Variants in MAPK8 observed in about 807,000 individuals in gnomAD.
MAPK8 encodes mitogen-activated protein kinase 8.
A neutral mutation model predicts 52.9 loss-of-function variants in MAPK8; 13 were observed. The observed-to-expected ratio is 0.25, with a 90% CI of 0.16 to 0.39. MAPK8 has a LOEUF of 0.39. Ranked by LOEUF, MAPK8 falls within the 10% of genes least tolerant of loss-of-function variation. MAPK8 has a pLI of 1.00. For missense variants in MAPK8, 300 were observed against 519.2 expected (o/e 0.58, Z 4.10); for synonymous variants, 191 against 169.8 (o/e 1.12, Z -0.97).
intron 6 of MAPK8, among the ~76,000 whole-genome samples, chr10:48,423,257 C>A (rs1260688966): frequency 1.3e-5 from 2 of 152,150 alleles, no homozygotes; most frequent in Non-Finnish European, 2.9e-5. Flanking sequence ...TGGCAAGGGT[C>A]ATCAGTAAGT....
chr10:48,434,109 C>T (rs1451089835), intron 11 of MAPK8, among the ~76,000 whole-genome samples: 2 of 152,144 alleles, frequency 1.3e-5, no homozygotes, highest in Non-Finnish European at 2.9e-5. Context: ...CTCAGGTATT[C>T]CTGTTAACTT....
intron 1 of MAPK8, among the ~76,000 whole-genome samples, chr10:48,393,541 G>A (rs2041736949): frequency 6.6e-6 from 1 of 152,026 alleles, no homozygotes. Flanking sequence ...CCACGGACTA[G>A]ATTTACCCTC....
intron 1 of MAPK8, among the ~76,000 whole-genome samples, chr10:48,317,322 G>A (rs1335613891): frequency 1.3e-5 from 2 of 151,970 alleles, no homozygotes; most frequent in Admixed American, 1.3e-4. Flanking sequence ...GCTGGGACTC[G>A]GCTGGCGAAT....
intron 3 of MAPK8, among the ~76,000 whole-genome samples, chr10:48,407,732 G>T (rs1391606646): frequency 6.6e-6 from 1 of 152,056 alleles, no homozygotes; most frequent in African/African-American, 2.4e-5. Flanking sequence ...TATCACCTCA[G>T]GATAAAAGAA....
intron 1 of MAPK8, among the ~76,000 whole-genome samples, chr10:48,400,648 T>A (rs1420114550): frequency 2.0e-5 from 3 of 152,208 alleles, no homozygotes; most frequent in African/African-American, 7.2e-5. Context: ...ATTCTTTGTA[T>A]TGTAAGTCAT....
intron 1 of MAPK8, among the ~76,000 whole-genome samples, chr10:48,323,672 A>T (rs553282635): frequency 1.3e-5 from 2 of 152,316 alleles, no homozygotes; most frequent in African/African-American, 4.8e-5. Flanking sequence ...AAAATTACAA[A>T]GTTTTCCATA....
chr10:48,321,519 A>G lies in MAPK8; in HGVS notation c.-50+14698A>G, dbSNP rs1420856454. ...TGTAGCACAAAAAGTTTTAATTTCA[A>G]TAAAGAAATCCAATGTATTTGTTTT... On this transcript the variant is annotated intron_variant, in intron 1 of 11. Coordinates refer to ENST00000374189, the MANE Select transcript of MAPK8 (RefSeq NM_001323329.2). Among the ~76,000 whole-genome samples, 4 of 152,232 alleles carry G rather than the reference A, an allele frequency of 2.6e-5. No individual in the cohort carries two copies. The South Asian group carries it at 6.2e-4, about 24-fold the overall frequency.
intron 1 of MAPK8, among the ~76,000 whole-genome samples, chr10:48,323,426 T>C (rs1843181664): frequency 3.3e-5 from 5 of 152,218 alleles, no homozygotes; most frequent in Admixed American, 3.3e-4. Context: ...AGGAGTCAAC[T>C]TTGGGGCTGG....
chr10:48,400,754 T>C lies in MAPK8; in HGVS notation c.-49-858T>C, dbSNP rs570706888. 1.5e-3 allele frequency among the ~76,000 whole-genome samples: 234 copies of C among 152,332 alleles called. 1 individual carries two copies. Among genetic ancestry groups the C allele is most frequent in the African/African-American group, 5.4e-3 (225 of 41,576 alleles). ...CATGACTTATTGAGGAGGCGAGGAATAGGTTAAAGCTGCTTTGCATACATT... is the reference window on the plus strand; with the variant it reads ...CATGACTTATTGAGGAGGCGAGGAACAGGTTAAAGCTGCTTTGCATACATT... On this transcript the variant is annotated intron_variant, in intron 1 of 11. Transcript: ENST00000374189.
At chr10:48,398,587 C>T (rs949573394) in intron 1 of MAPK8, among the ~76,000 whole-genome samples, 4 of 152,052 alleles carry the variant, frequency 2.6e-5, no homozygotes, top group Admixed American at 2.0e-4. Context: ...GATAATTAAA[C>T]GAAGATGAAT....
intron 1 of MAPK8, among the ~76,000 whole-genome samples, chr10:48,322,286 GT>G (rs1360878696): frequency 6.7e-6 from 1 of 149,062 alleles, no homozygotes; most frequent in African/African-American, 2.5e-5. Flanking sequence ...AGTTAGCAGG[GT>G]TTTGTACTGT....
At chr10:48,434,025 T>C (rs962505789) in intron 11 of MAPK8, among the ~76,000 whole-genome samples, 20 of 152,236 alleles carry the variant, frequency 1.3e-4, no homozygotes, top group Non-Finnish European at 8.8e-5. Flanking sequence ...CCTTTAACTA[T>C]CCTTCATCCC....
chr10:48,357,065 T>G (rs1319358052), intron 1 of MAPK8, among the ~76,000 whole-genome samples: 1 of 152,102 alleles, frequency 6.6e-6, no homozygotes, highest in Non-Finnish European at 1.5e-5. Flanking sequence ...TTCCACATAT[T>G]TAATGCTGTG....
rs1410709749 is a variant in MAPK8 at position 48,436,961 on chromosome 10, G to T, written c.*1932G>T. ...AATTTCACAATTAGCTGTATTTTCT[G>T]TAGCATAGATTATGTCACTGTTGCA... On this transcript the variant is annotated 3_prime_UTR_variant, in exon 12 of 12. Transcript: ENST00000374189. 5 of 152,194 alleles carry T rather than the reference G, an allele frequency of 3.3e-5. No individual in the cohort carries two copies. The highest frequency in any genetic ancestry group is 1.2e-4 in the African/African-American group (5 of 41,454). The allele number at this position is 152,194 out of a possible 1,614,324, so 9.4% of individuals were successfully genotyped here.
At chr10:48,390,548 A>G (rs986162773) in intron 1 of MAPK8, among the ~76,000 whole-genome samples, 3 of 152,212 alleles carry the variant, frequency 2.0e-5, no homozygotes, top group Non-Finnish European at 2.9e-5. Flanking sequence ...AAGTCTGGCT[A>G]TATGGTTGCA....
At chr10:48,342,261 G>A (rs112147890) in intron 1 of MAPK8, among the ~76,000 whole-genome samples, 6 of 151,664 alleles carry the variant, frequency 4.0e-5, no homozygotes, top group African/African-American at 1.5e-4. Flanking sequence ...ACACCACCTC[G>A]CCCATCCATT....
intron 7 of MAPK8, chr10:48,425,085 T>G (rs1290961069): frequency 7.3e-6 from 5 of 684,890 alleles, no homozygotes; most frequent in Non-Finnish European, 1.3e-5. Context: ...TAGCTTTGGA[T>G]TCATACTTTT....
At chr10:48,335,170 T>A (rs190830242) in intron 1 of MAPK8, among the ~76,000 whole-genome samples, 65 of 152,308 alleles carry the variant, frequency 4.3e-4, no homozygotes, top group African/African-American at 1.6e-3. Flanking sequence ...ATTTAAAATG[T>A]TTTCTCACAC....
intron 1 of MAPK8, among the ~76,000 whole-genome samples, chr10:48,399,945 C>A (rs1045154663): frequency 2.0e-5 from 3 of 152,192 alleles, no homozygotes; most frequent in Non-Finnish European, 4.4e-5. Context: ...GTCTCCATGT[C>A]CCCCGCTGAC....
Sources: allele counts gnomAD v4.1 joint callset (sites outside exome capture counted in the v4.1 genomes callset), GRCh38; gene constraint gnomAD v4.1.1; transcripts MANE v1.5; gene names NCBI Gene and HGNC (gene_info 2026-07-23, HGNC 2026-07-21).